The following ZNF704 variants were observed in gnomAD, a reference collection of about 807,000 sequenced individuals.
ZNF704 encodes zinc finger protein 704, also known as glucocorticoid induced gene 1.
ZNF704 carries 10 observed loss-of-function variants against 44.7 expected under a neutral mutation model. That is an observed-to-expected ratio of 0.22 (90% CI 0.14 to 0.38). The LOEUF (loss-of-function observed/expected upper bound fraction) is 0.38. Among genes scored for constraint, ZNF704 ranks in the 10% least tolerant of loss-of-function variants. The probability of loss-of-function intolerance (pLI) is 1.00; values close to 1 mark genes in which losing one functional copy is unlikely to be tolerated. For synonymous variants in ZNF704, 211 were observed against 207.6 expected (o/e 1.02, Z -0.14); for missense variants, 390 against 545.5 (o/e 0.71, Z 2.84).
intron 1 of ZNF704, among the ~76,000 whole-genome samples, chr8:80,840,556 C>T (rs890024975): frequency 1.3e-5 from 2 of 152,076 alleles, no homozygotes; most frequent in African/African-American, 4.8e-5. Context: ...TTAAAAATTG[C>T]TTCATACATA....
chr8:80,829,779 A>C (rs74411798), intron 1 of ZNF704, among the ~76,000 whole-genome samples: 5,170 of 152,298 alleles, frequency 0.034, 288 homozygotes, highest in African/African-American at 0.12. Context: ...TAAAAAAATT[A>C]ATCTCTCAAT....
chr8:80,669,831 T>A (rs1230189914), intron 5 of ZNF704, among the ~76,000 whole-genome samples: 1 of 152,194 alleles, frequency 6.6e-6, no homozygotes, highest in East Asian at 1.9e-4. Flanking sequence ...ACTGCCCCCC[T>A]GGGGTGACCT....
intron 2 of ZNF704, among the ~76,000 whole-genome samples, chr8:80,714,811 G>A (rs566375194): frequency 9.2e-5 from 14 of 152,170 alleles, no homozygotes; most frequent in Non-Finnish European, 2.1e-4. Flanking sequence ...GTGGCAAGAG[G>A]CAGGTAGGGC....
intron 1 of ZNF704, among the ~76,000 whole-genome samples, chr8:80,828,459 C>T (rs1013866395): frequency 5.3e-5 from 8 of 152,162 alleles, no homozygotes; most frequent in Non-Finnish European, 8.8e-5. Flanking sequence ...ATCTGGTAAT[C>T]TGGAGCCTCA....
chr8:80,718,053 C>G (rs1819099295), intron 2 of ZNF704, among the ~76,000 whole-genome samples: 1 of 152,170 alleles, frequency 6.6e-6, no homozygotes. Flanking sequence ...CTGTGCCTTC[C>G]TCGTTTTTGT....
At chr8:80,742,577 C>A (rs1447600167) in intron 2 of ZNF704, among the ~76,000 whole-genome samples, 1 of 152,134 alleles carries the variant, frequency 6.6e-6, no homozygotes, top group Non-Finnish European at 1.5e-5. Context: ...ACATTTGAAT[C>A]CCTGTATCTT....
At chr8:80,747,067 C>T (rs1806858354) in intron 2 of ZNF704, among the ~76,000 whole-genome samples, 2 of 152,098 alleles carry the variant, frequency 1.3e-5, no homozygotes, top group African/African-American at 4.8e-5. Flanking sequence ...TCTGGACTTT[C>T]CACATCTGCT....
intron 1 of ZNF704, among the ~76,000 whole-genome samples, chr8:80,868,612 A>C (rs1483413460): frequency 6.6e-6 from 1 of 152,238 alleles, no homozygotes; most frequent in African/African-American, 2.4e-5. Flanking sequence ...CCCAAGTCAT[A>C]AATTTTTGTA....
At chr8:80,681,386 T>G (rs922680159) in intron 4 of ZNF704, among the ~76,000 whole-genome samples, 1 of 152,230 alleles carries the variant, frequency 6.6e-6, no homozygotes, top group African/African-American at 2.4e-5. Flanking sequence ...TTTTGTATAC[T>G]AAAAATACAC....
intron 2 of ZNF704, among the ~76,000 whole-genome samples, chr8:80,799,295 T>C (rs933954157): frequency 1.3e-5 from 2 of 152,240 alleles, no homozygotes; most frequent in Non-Finnish European, 2.9e-5. Context: ...TGCAATATGC[T>C]GAAGTATTAA....
intron 2 of ZNF704, among the ~76,000 whole-genome samples, chr8:80,819,411 G>A (rs75631635): frequency 0.034 from 5,166 of 152,120 alleles, 286 homozygotes; most frequent in African/African-American, 0.12. Flanking sequence ...AACAACCTAT[G>A]GCAATTTAAA....
chr8:80,649,132 T>C (rs1817875835), intron 7 of ZNF704, among the ~76,000 whole-genome samples: 1 of 152,346 alleles, frequency 6.6e-6, no homozygotes, highest in Non-Finnish European at 1.5e-5. Flanking sequence ...ATTATTGGGC[T>C]ATATGTACAT....
chr8:80,771,136 A>G (rs556575260), intron 2 of ZNF704, among the ~76,000 whole-genome samples: 1 of 152,292 alleles, frequency 6.6e-6, no homozygotes, highest in African/African-American at 2.4e-5. Context: ...TAAGTCTTGA[A>G]ATTTATTCCT....
chr8:80,702,366 A>G (rs1016073820), intron 2 of ZNF704, among the ~76,000 whole-genome samples: 2 of 152,170 alleles, frequency 1.3e-5, no homozygotes, highest in Admixed American at 6.5e-5. Flanking sequence ...CAGGACACCA[A>G]AAGTCTATCA....
chr8:80,672,695 G>A (rs963824560), intron 4 of ZNF704, among the ~76,000 whole-genome samples: 2 of 152,192 alleles, frequency 1.3e-5, no homozygotes, highest in African/African-American at 4.8e-5. Flanking sequence ...TCACTTCTAA[G>A]TGGGAGCTAA....
chr8:80,774,219 A>G (rs1178480066), intron 2 of ZNF704, among the ~76,000 whole-genome samples: 2 of 151,942 alleles, frequency 1.3e-5, no homozygotes, highest in Non-Finnish European at 2.9e-5. Flanking sequence ...ACATGTCACC[A>G]TGCCTGGCTA....
intron 2 of ZNF704, among the ~76,000 whole-genome samples, chr8:80,711,163 C>T (rs73693840): frequency 0.043 from 6,583 of 152,252 alleles, 508 homozygotes; most frequent in African/African-American, 0.15. Context: ...TCCTACTGTA[C>T]TTCCAGCCAT....
chr8:80,665,947 GT>G (rs1331578523), intron 5 of ZNF704, among the ~76,000 whole-genome samples: 1 of 145,748 alleles, frequency 6.9e-6, no homozygotes, highest in Admixed American at 6.7e-5. Context: ...GTCTCAGATA[GT>G]TCTTTATTTT....
intron 2 of ZNF704, among the ~76,000 whole-genome samples, chr8:80,697,920 CTGT>C (rs1229122909): frequency 2.0e-5 from 3 of 152,212 alleles, no homozygotes; most frequent in Non-Finnish European, 4.4e-5. Context: ...TGCTATAACT[CTGT>C]AAGAGCTGGC....
Sources: gnomAD v4.1 joint callset for allele counts (sites outside exome capture counted in the v4.1 genomes callset) on GRCh38, gnomAD v4.1.1 for gene constraint, MANE v1.5 for transcripts, NCBI Gene and HGNC (gene_info 2026-07-23, HGNC 2026-07-21) for gene names.